Variants in PAPLN observed in about 807,000 individuals in gnomAD.
PAPLN encodes the protein papilin, proteoglycan like sulfated glycoprotein.
In PAPLN, 146 loss-of-function variants were observed where a neutral mutation model predicts 159.0. The observed-to-expected ratio is 0.92, with a 90% CI of 0.80 to 1.05. The LOEUF (loss-of-function observed/expected upper bound fraction) is 1.05, where lower values mean the gene tolerates loss of function less well. Ranked by LOEUF, PAPLN falls within the 50% of genes least tolerant of loss-of-function variation. The probability of loss-of-function intolerance (pLI) is 0.00; values close to 1 mark genes in which losing one functional copy is unlikely to be tolerated. For synonymous variants in PAPLN, 734 were observed against 702.9 expected (o/e 1.04, Z -0.70); for missense variants, 1,720 against 1,743.9 (o/e 0.99, Z 0.24).
chr14:73,263,862 C>T, intron 20 of PAPLN, 80 bp downstream of exon 20: 2 of 1,468,594 alleles, frequency 1.4e-6, no homozygotes, highest in Non-Finnish European at 1.8e-6. Flanking sequence ...TGACAGCTCC[C>T]CCACCTCCTC....
In PAPLN at chr14:73,251,781, T is replaced by A. The variant is rs1011955164; in HGVS notation, c.788T>A (p.Leu263Gln). Residue 263 changes from leucine to glutamine, a missense_variant, in exon 9 of 27, where the codon CTG becomes CAG. Leu to Gln is a moderately radical substitution (Grantham distance 113, BLOSUM62 -2). Coordinates refer to ENST00000644200, the MANE Select transcript of PAPLN (RefSeq NM_001365906.3). Reference sequence around the variant, plus strand: ...TACGAGCGGGGTGCTGAGGGGGACCTGGCCCCTGAGCGACTCCATGCCCGG... The same window carrying A: ...TACGAGCGGGGTGCTGAGGGGGACCAGGCCCCTGAGCGACTCCATGCCCGG... ...LHYERGAEGD[L>Q]APERLHARGP... 1 of 1,606,462 alleles carries A rather than the reference T, an allele frequency of 6.2e-7. No individual in the cohort carries two copies. The highest frequency in any genetic ancestry group is 8.5e-7 in the Non-Finnish European group (1 of 1,177,516).
At chr14:73,254,271 C>T (rs895894516) in intron 12 of PAPLN, among the ~76,000 whole-genome samples, 2 of 152,146 alleles carry the variant, frequency 1.3e-5, no homozygotes, top group African/African-American at 4.8e-5. Flanking sequence ...CTAGCACCTA[C>T]GTATATTCAA....
chr14:73,255,873 T>C (rs1306211951), intron 14 of PAPLN, among the ~76,000 whole-genome samples: 1 of 152,224 alleles, frequency 6.6e-6, no homozygotes, highest in Admixed American at 6.5e-5. Flanking sequence ...TGACCAGTTG[T>C]GTGGCCTTGG....
At chr14:73,236,815 T>TA (rs901162327), upstream of PAPLN, among the ~76,000 whole-genome samples, 302 of 76,878 alleles carry the variant, frequency 3.9e-3, no homozygotes, top group East Asian at 0.021. Context: ...AAACTCCGTC[T>TA]AAAAAAAAAA....
At chr14:73,238,255 C>A (rs2140167649) in intron 1 of PAPLN, among the ~76,000 whole-genome samples, 1 of 152,338 alleles carries the variant, frequency 6.6e-6, no homozygotes, top group South Asian at 2.1e-4. Flanking sequence ...CGCCTTCGGC[C>A]CTAGCTCAAG....
At chr14:73,270,397 A>T in intron 26 of PAPLN, among the ~76,000 whole-genome samples, 1 of 152,224 alleles carries the variant, frequency 6.6e-6, no homozygotes, top group East Asian at 1.9e-4. Flanking sequence ...CGCCGCTCGC[A>T]GCTCGGTGAA....
intron 26 of PAPLN, among the ~76,000 whole-genome samples, chr14:73,271,791 C>T (rs1420453313): frequency 6.6e-6 from 1 of 152,202 alleles, no homozygotes; most frequent in Non-Finnish European, 1.5e-5. Context: ...TGAGCCACCA[C>T]ACCCAGCTGA....
rs114443741 is a variant in PAPLN, at chr14:73,250,845, G to C, written c.466-62G>C. ...TGGGTGCTGGGGTTAGGATGCGACGGGGCCCAAGGCCTGATGTGGCCATGA... is the reference window on the plus strand; with the variant it reads ...TGGGTGCTGGGGTTAGGATGCGACGCGGCCCAAGGCCTGATGTGGCCATGA... On this transcript the variant is annotated intron_variant, in intron 6 of 26. Coordinates refer to ENST00000644200, the MANE Select transcript of PAPLN (RefSeq NM_001365906.3). 6.5e-4 allele frequency: 984 copies of C among 1,522,520 alleles called. 5 individuals are homozygous for C. The African/African-American group carries it at 0.012, about 19-fold the overall frequency. 94.3% of individuals were successfully genotyped at this position (1,522,520 alleles called of 1,614,324 possible).
At chr14:73,269,287 C>T (rs56331994) in intron 26 of PAPLN, among the ~76,000 whole-genome samples, 20,230 of 124,538 alleles carry the variant, frequency 0.16, 1,595 homozygotes, top group South Asian at 0.27. Context: ...TGTCTTTTGA[C>T]TCCCCATGTT....
chr14:73,240,983 G>A (rs1883477535), intron 2 of PAPLN, among the ~76,000 whole-genome samples: 1 of 151,714 alleles, frequency 6.6e-6, no homozygotes, highest in Admixed American at 6.6e-5. Context: ...CCTGCGAAAG[G>A]ACCCAAACTG....
intron 1 of PAPLN, among the ~76,000 whole-genome samples, chr14:73,239,287 G>C (rs1436560601): frequency 1.3e-5 from 2 of 152,202 alleles, no homozygotes; most frequent in African/African-American, 2.4e-5. Flanking sequence ...ATGCTGGCTT[G>C]GGTTTTAAAT....
intron 14 of PAPLN, among the ~76,000 whole-genome samples, chr14:73,258,220 C>G (rs1476000763): frequency 6.6e-6 from 1 of 152,102 alleles, no homozygotes; most frequent in Non-Finnish European, 1.5e-5. Context: ...TTATAGACAT[C>G]CTAGTGGGTG....
At chr14:73,255,147 A>C in intron 14 of PAPLN, 129 bp downstream of exon 14, 2 of 1,293,012 alleles carry the variant, frequency 1.5e-6, no homozygotes, top group Non-Finnish European at 2.1e-6. Context: ...CACTTCTCCC[A>C]TGTCTCCCCC....
In PAPLN at chr14:73,254,915, G is replaced by A; in HGVS notation, c.1524G>A (p.Gln508=). 1 of 1,613,260 alleles carries A rather than the reference G, an allele frequency of 6.2e-7. No individual in the cohort carries two copies. Among genetic ancestry groups the A allele is most frequent in the Non-Finnish European group, 8.5e-7 (1 of 1,179,982 alleles). Residue 508 remains glutamine (Q), a synonymous_variant, in exon 14 of 27, where the codon CAG becomes CAA. Coordinates refer to ENST00000644200, the MANE Select transcript of PAPLN (RefSeq NM_001365906.3). ...GCAGCTCGGGCACTCGGAGGCGACA[G>A]GTCATCTGTGCCATTGGGCCGCCCA... ...KSCSSGTRRR[Q]VICAIGPPSH...
In PAPLN at chr14:73,260,792, C is replaced by G; in HGVS notation, c.2069C>G (p.Thr690Ser). ...ACAAAGTCGTATGGTGGTGACAGCACCGGGGGCATGCCCAGGTCAAGGGCA... is the reference window on the plus strand; with the variant it reads ...ACAAAGTCGTATGGTGGTGACAGCAGCGGGGGCATGCCCAGGTCAAGGGCA... ...GCTKSYGGDS[T>S]GGMPRSRAVA... The change falls in exon 17 of 27, where the codon ACC becomes AGC. Residue 690 changes from threonine to serine, a missense_variant. Physicochemically the swap from Thr to Ser is moderately conservative, Grantham distance 58. Transcript: ENST00000644200. 6.7e-7 allele frequency: 1 copy of G among 1,494,090 alleles called. No homozygotes were observed. The highest frequency in any genetic ancestry group is 2.5e-5 in the Admixed American group (1 of 40,710). The allele number at this position is 1,494,090 out of a possible 1,614,324, so 92.6% of individuals were successfully genotyped here.
intron 11 of PAPLN, chr14:73,253,167 T>C: frequency 7.3e-7 from 1 of 1,367,334 alleles, no homozygotes; most frequent in Non-Finnish European, 9.7e-7. Flanking sequence ...AAAGGACCTC[T>C]TACCTGCACC....
At position 73,245,057 on chromosome 14, in the gene PAPLN, A is replaced by G; in HGVS notation, c.170+298A>G. ...GTCAATTTTGCTGGAACTGGTAAAT[A>G]ATCTTCAACCGGCAGTTCCCAATTC... On this transcript the variant is annotated intron_variant, in intron 3 of 26. Coordinates refer to ENST00000644200, the MANE Select transcript of PAPLN (RefSeq NM_001365906.3). This position sits in a 1 kb window ranked among gnomAD's most constrained non-coding sequence, Gnocchi z 4.2. 1 of 280,934 alleles carries G rather than the reference A, an allele frequency of 3.6e-6. No individual in the cohort carries two copies. The highest frequency in any genetic ancestry group is 6.7e-6 in the Non-Finnish European group (1 of 148,220). The allele number at this position is 280,934 out of a possible 1,614,324, so 17.4% of individuals were successfully genotyped here. A position where few individuals can be genotyped will look rare whatever the true frequency, so the allele number is the denominator to read the frequency against.
chr14:73,243,209 G>T (rs1232952502), intron 2 of PAPLN: 1 of 152,254 alleles, frequency 6.6e-6, no homozygotes, highest in Non-Finnish European at 1.5e-5. Flanking sequence ...GGGTAGGCTG[G>T]TCTCGAACTC....
rs1384632230 is a variant in PAPLN at position 73,240,414 on chromosome 14, ATTAAT to A, written c.54+587_54+591del. 2.0e-5 allele frequency among the ~76,000 whole-genome samples: 3 copies of A among 152,040 alleles called. 1 individual carries two copies. The highest frequency in any genetic ancestry group is 6.8e-3 in the Middle Eastern group (2 of 292). On this transcript the variant is annotated intron_variant, in intron 2 of 26. Transcript: ENST00000644200. ...TGAGTTTTAATTTTACTTGACTTTA[ATTAAT>A]TTAAATTTATTTTTAAAATTTTTAA...
Sources: gnomAD v4.1 joint callset for allele counts (sites outside exome capture counted in the v4.1 genomes callset) on GRCh38, gnomAD v4.1.1 for gene constraint, Gnocchi (gnomAD v3.1) non-coding constraint, MANE v1.5 for transcripts, NCBI Gene and HGNC (gene_info 2026-07-23, HGNC 2026-07-21) for gene names.